Variants in MAP3K13 observed in about 807,000 individuals in gnomAD.
MAP3K13 encodes mitogen-activated protein kinase kinase kinase 13.
MAP3K13 carries 52 observed loss-of-function variants against 104.0 expected under a neutral mutation model. The observed-to-expected ratio is 0.50, with a 90% CI of 0.40 to 0.63. The LOEUF (loss-of-function observed/expected upper bound fraction) is 0.63, where lower values mean the gene tolerates loss of function less well. Among genes scored for constraint, MAP3K13 ranks in the 20% least tolerant of loss-of-function variants. MAP3K13 has a pLI of 0.00. For missense variants in MAP3K13, 914 were observed against 1,218.5 expected (o/e 0.75, Z 3.72); for synonymous variants, 394 against 442.2 (o/e 0.89, Z 1.37).
intron 2 of MAP3K13, chr3:185,291,553 C>T (rs1720739004): frequency 2.8e-6 from 4 of 1,428,336 alleles, no homozygotes; most frequent in Non-Finnish European, 3.7e-6. Context: ...TTTTTAATTT[C>T]CCTTAAAAAA....
chr3:185,455,171 G>GATATATATATGATATATGAGAT (rs202038007), intron 7 of MAP3K13, among the ~76,000 whole-genome samples: 5 of 28,112 alleles, frequency 1.8e-4, no homozygotes, highest in Admixed American at 6.3e-4. Flanking sequence ...ATATATATGA[G>GATATATATATGATATATGAGAT]ATATATATGA....
chr3:185,390,814 G>A (rs1712002790), intron 1 of MAP3K13, among the ~76,000 whole-genome samples: 1 of 10,540 alleles, frequency 9.5e-5, no homozygotes, highest in African/African-American at 1.1e-3. Flanking sequence ...GGTAGAGATG[G>A]GGTTTACCAT....
intron 2 of MAP3K13, among the ~76,000 whole-genome samples, chr3:185,303,794 A>G (rs1295252344): frequency 7.9e-6 from 1 of 125,806 alleles, no homozygotes; most frequent in African/African-American, 3.4e-5. Context: ...ATTTCTTTCT[A>G]TTATTTTTCT....
At chr3:185,392,065 T>C (rs977255761) in intron 1 of MAP3K13, among the ~76,000 whole-genome samples, 1 of 152,214 alleles carries the variant, frequency 6.6e-6, no homozygotes, top group Admixed American at 6.5e-5. Flanking sequence ...CATGCTATGC[T>C]ATGCCCTGGG....
At chr3:185,394,394 G>A (rs1026636058) in intron 1 of MAP3K13, among the ~76,000 whole-genome samples, 12 of 152,136 alleles carry the variant, frequency 7.9e-5, no homozygotes, top group African/African-American at 2.2e-4. Flanking sequence ...TAACTAAGTC[G>A]ATTTAATGAA....
chr3:185,476,581 T>C (rs1176938949), intron 11 of MAP3K13: 1 of 152,100 alleles, frequency 6.6e-6, no homozygotes, highest in Non-Finnish European at 1.5e-5. Context: ...GTGAGATGAG[T>C]TCTCTGTAAA....
In MAP3K13 at chr3:185,463,622, G is replaced by C; in HGVS notation, c.1351G>C (p.Asp451His). Residue 451 changes from aspartate (D) to histidine (H), a missense_variant, in exon 8 of 14, where the codon GAT (aspartate) becomes CAT (histidine). Physicochemically the swap from Asp to His is moderately conservative, Grantham distance 81. Transcript: ENST00000265026. ...TGAAGGAACTTGTATACACCGGTTA[G>C]ATGAAGAACTGATTCGAAGGCGCAG... is the stretch of plus-strand genomic sequence containing the variant. ...KSEGTCIHRL[D>H]EELIRRRREE... The C allele has an allele frequency of 6.2e-7, 1 of 1,613,336 alleles. No homozygotes were observed. The highest frequency in any genetic ancestry group is 8.5e-7 in the Non-Finnish European group (1 of 1,179,422).
At chr3:185,408,144 C>T (rs868018019) in intron 1 of MAP3K13, among the ~76,000 whole-genome samples, 6 of 151,752 alleles carry the variant, frequency 4.0e-5, no homozygotes, top group African/African-American at 1.5e-4. Context: ...AATAGTTTTA[C>T]AGGAAAAAAA....
intron 13 of MAP3K13, among the ~76,000 whole-genome samples, chr3:185,480,945 C>G (rs1343657038): frequency 6.6e-6 from 1 of 152,168 alleles, no homozygotes; most frequent in South Asian, 2.1e-4. Flanking sequence ...CACTTCCCAC[C>G]AGGTGCCTCC....
intron 2 of MAP3K13, among the ~76,000 whole-genome samples, chr3:185,334,061 A>C (rs899764867): frequency 6.6e-6 from 1 of 152,168 alleles, no homozygotes; most frequent in Admixed American, 6.5e-5. Flanking sequence ...CTCAAAAAGA[A>C]AGAAAGAAAA....
At chr3:185,440,846 G>C (rs1715283958) in intron 3 of MAP3K13, among the ~76,000 whole-genome samples, 1 of 152,170 alleles carries the variant, frequency 6.6e-6, no homozygotes, top group African/African-American at 2.4e-5. Flanking sequence ...AACTTCTCTA[G>C]AAAGTTTCAA....
At chr3:185,383,031 T>G (rs1260458170) in intron 1 of MAP3K13, among the ~76,000 whole-genome samples, 1 of 107,604 alleles carries the variant, frequency 9.3e-6, no homozygotes, top group Non-Finnish European at 1.8e-5. Context: ...CCCACAACAG[T>G]CCCCAGAGTG....
intron 2 of MAP3K13, among the ~76,000 whole-genome samples, chr3:185,288,436 A>G (rs1483273933): frequency 6.6e-6 from 1 of 150,580 alleles, no homozygotes; most frequent in Non-Finnish European, 1.5e-5. Context: ...TATTCCAGAA[A>G]AATATATATA....
rs528680483 is a variant in MAP3K13 at position 185,450,700 on chromosome 3, C to T, written c.1170-587C>T. On this transcript the variant is annotated intron_variant, in intron 6 of 13. Coordinates refer to ENST00000265026, the MANE Select transcript of MAP3K13 (RefSeq NM_004721.5). The surrounding 1 kb of genome is among the most constrained non-coding windows in gnomAD (Gnocchi z 4.2). ...CTGTAATCCCAACACTTTGGGAGGC[C>T]GAGGTAGGAGGATCACTTGAACCCA... 6.6e-6 allele frequency among the ~76,000 whole-genome samples: 1 copy of T among 151,342 alleles called. No homozygotes were observed. The highest frequency in any genetic ancestry group is 2.1e-4 in the South Asian group (1 of 4,770).
At chr3:185,478,488 C>T (rs1718256393) in intron 12 of MAP3K13, among the ~76,000 whole-genome samples, 1 of 152,110 alleles carries the variant, frequency 6.6e-6, no homozygotes, top group Non-Finnish European at 1.5e-5. Context: ...TTCCTGGACT[C>T]TTTATGACCT....
intron 7 of MAP3K13, among the ~76,000 whole-genome samples, chr3:185,454,789 G>GATATATATGAGATATATACATGAC: frequency 1.8e-5 from 1 of 56,150 alleles, no homozygotes; most frequent in East Asian, 4.7e-4. Flanking sequence ...ATATATACAT[G>GATATATATGAGATATATACATGAC]ATATATATGA....
At chr3:185,309,208 A>G (rs993644691) in intron 2 of MAP3K13, among the ~76,000 whole-genome samples, 2 of 152,110 alleles carry the variant, frequency 1.3e-5, no homozygotes, top group African/African-American at 4.8e-5. Flanking sequence ...AACTTCCACC[A>G]CTGCTCATAA....
intron 10 of MAP3K13, among the ~76,000 whole-genome samples, chr3:185,469,412 C>T (rs1717644162): frequency 6.6e-6 from 1 of 152,138 alleles, no homozygotes; most frequent in South Asian, 2.1e-4. Context: ...TGGATACAAC[C>T]CAGCATAACC....
intron 1 of MAP3K13, among the ~76,000 whole-genome samples, chr3:185,396,134 G>T (rs187138061): frequency 1.6e-4 from 25 of 152,196 alleles, no homozygotes; most frequent in African/African-American, 6.0e-4. Flanking sequence ...ACTTTGGGAG[G>T]CTGAGGCGGG....
Sources: allele counts gnomAD v4.1 joint callset (sites outside exome capture counted in the v4.1 genomes callset), GRCh38; gene constraint gnomAD v4.1.1; non-coding constraint Gnocchi (gnomAD v3.1); transcripts MANE v1.5; gene names NCBI Gene and HGNC (gene_info 2026-07-23, HGNC 2026-07-21).